PLEKHG7: variants seen among roughly 807,000 people sequenced by gnomAD.
PLEKHG7 encodes the protein pleckstrin homology domain-containing family G member 7.
Under a neutral mutation model 85.2 loss-of-function variants are expected in PLEKHG7, and 77 were observed. That is an observed-to-expected ratio of 0.90 (90% CI 0.75 to 1.09). PLEKHG7 has a LOEUF of 1.09. Ranked by LOEUF, PLEKHG7 falls within the 50% of genes least tolerant of loss-of-function variation. The pLI is 0.00. For missense variants in PLEKHG7, 777 were observed against 804.3 expected (o/e 0.97, Z 0.41); for synonymous variants, 301 against 302.4 (o/e 1.00, Z 0.05).
chr12:92,707,664 C>G lies in PLEKHG7; in HGVS notation c.522C>G (p.His174Gln). The change falls in exon 3 of 17, where the codon CAC becomes CAG. Residue 174 changes from histidine to glutamine, a missense_variant. His to Gln is a conservative substitution (Grantham distance 24). Transcript: ENST00000344636. ...RHPSPQGEEL[H>Q]PSRFYEHRRS... is the part of the protein sequence containing the mutation. Reference sequence around the variant, plus strand: ...ATTTATTTCAGGGAGAAGAATTGCACCCATCCAGGTGTGTATGCATTTATT... The same window carrying G: ...ATTTATTTCAGGGAGAAGAATTGCAGCCATCCAGGTGTGTATGCATTTATT... 1 of 1,613,846 alleles carries G rather than the reference C, an allele frequency of 6.2e-7. No homozygotes were observed. Among genetic ancestry groups the G allele is most frequent in the Non-Finnish European group, 8.5e-7 (1 of 1,179,858 alleles).
intron 7 of PLEKHG7, among the ~76,000 whole-genome samples, chr12:92,739,211 T>C (rs758826681): frequency 2.0e-5 from 3 of 152,082 alleles, no homozygotes; most frequent in Non-Finnish European, 4.4e-5. Context: ...ATAGCAGAAG[T>C]CTTGAGATTT....
At chr12:92,710,803 T>C (rs1013268263) in intron 3 of PLEKHG7, among the ~76,000 whole-genome samples, 3 of 152,194 alleles carry the variant, frequency 2.0e-5, no homozygotes, top group African/African-American at 4.8e-5. Flanking sequence ...ACTTTGTTCA[T>C]GGGCCCATCG....
At chr12:92,737,263 A>G in intron 6 of PLEKHG7, 115 bp from the exon 7 acceptor site, 2 of 932,224 alleles carry the variant, frequency 2.1e-6, no homozygotes, top group Non-Finnish European at 2.8e-6. Context: ...TGAAGCAGGA[A>G]ATCATGATTT....
At chr12:92,713,486 G>C (rs1422711133) in intron 3 of PLEKHG7, among the ~76,000 whole-genome samples, 1 of 152,168 alleles carries the variant, frequency 6.6e-6, no homozygotes, top group Non-Finnish European at 1.5e-5. Flanking sequence ...TGATGGTTGA[G>C]TGCTGCCACC....
At chr12:92,744,951 G>A (rs895661876) in intron 9 of PLEKHG7, among the ~76,000 whole-genome samples, 3 of 152,176 alleles carry the variant, frequency 2.0e-5, no homozygotes, top group African/African-American at 7.2e-5. Context: ...ACAGGCGTGA[G>A]CCACTGCGCC....
At chr12:92,746,165 C>T (rs1872528901) in intron 10 of PLEKHG7, among the ~76,000 whole-genome samples, 1 of 152,224 alleles carries the variant, frequency 6.6e-6, no homozygotes, top group South Asian at 2.1e-4. Context: ...CCCCTGACTT[C>T]TCTAATTCTG....
chr12:92,767,106 C>T lies in PLEKHG7; in HGVS notation c.1871-1877C>T, dbSNP rs1431237212. On this transcript the variant is annotated intron_variant, in intron 15 of 16. Transcript: ENST00000344636. The stretch of plus-strand genomic sequence containing the variant: ...AAAAATTAATATGTTTCCTCATTTA[C>T]AAGTAGGAATTAGCTGACCTATCTC... 4.6e-5 allele frequency among the ~76,000 whole-genome samples: 7 copies of T among 152,082 alleles called. 1 individual carries two copies. Among genetic ancestry groups the T allele is most frequent in the Admixed American group, 4.6e-4 (7 of 15,262 alleles).
intron 12 of PLEKHG7, among the ~76,000 whole-genome samples, 170 bp from the exon 13 acceptor site, chr12:92,756,128 A>G (rs372991133): frequency 6.6e-6 from 1 of 152,186 alleles, no homozygotes; most frequent in African/African-American, 2.4e-5. Flanking sequence ...TGCCATTCTT[A>G]TGATGGTCCT....
intron 15 of PLEKHG7, among the ~76,000 whole-genome samples, chr12:92,768,776 G>A (rs985386895): frequency 6.6e-6 from 1 of 152,024 alleles, no homozygotes; most frequent in African/African-American, 2.4e-5. Context: ...GGTTTTTATA[G>A]TAGAGTAGGC....
At chr12:92,739,643 AAT>A (rs1323563416) in intron 7 of PLEKHG7, among the ~76,000 whole-genome samples, 5 of 152,216 alleles carry the variant, frequency 3.3e-5, no homozygotes, top group African/African-American at 1.2e-4. Flanking sequence ...TTACACAATC[AAT>A]ATGTTTTCCA....
Position 92,707,671 on chromosome 12 carries a change from A to C in PLEKHG7, c.529A>C (p.Arg177=). 3.1e-6 allele frequency: 5 copies of C among 1,613,976 alleles called. No homozygotes were observed. The highest frequency in any genetic ancestry group is 3.4e-6 in the Non-Finnish European group (4 of 1,179,924). Residue 177 remains arginine (R), a splice_region_variant and synonymous_variant, in exon 3 of 17, where the codon AGG becomes CGG. Coordinates refer to ENST00000344636, the MANE Select transcript of PLEKHG7 (RefSeq NM_001377329.1). ...SPQGEELHPS[R]FYEHRRSSVV... is the part of the protein sequence containing the mutation. Reference sequence around the variant, plus strand: ...TCAGGGAGAAGAATTGCACCCATCCAGGTGTGTATGCATTTATTTTCTCCG... The same window carrying C: ...TCAGGGAGAAGAATTGCACCCATCCCGGTGTGTATGCATTTATTTTCTCCG...
chr12:92,707,424 C>A, intron 2 of PLEKHG7: 1 of 1,430,934 alleles, frequency 7.0e-7, no homozygotes, highest in Non-Finnish European at 9.1e-7. Context: ...GTCAGGTACC[C>A]GAGAGCAATG....
chr12:92,707,361 C>T, intron 2 of PLEKHG7: 1 of 1,429,606 alleles, frequency 7.0e-7, no homozygotes, highest in Non-Finnish European at 9.1e-7. Flanking sequence ...TTTCTTCTGT[C>T]CTTAGAGGCA....
chr12:92,740,903 T>C lies in PLEKHG7; in HGVS notation c.990T>C (p.Asp330=). The change falls in exon 8 of 17, where the codon GAT becomes GAC. Residue 330 remains aspartate (D), a synonymous_variant. Transcript: ENST00000344636. ...TGCAAACTCATGAATATCTCCTAGA[T>C]GTGGATTTATGGAGACTTTTTGCAA... is the stretch of plus-strand genomic sequence containing the variant. The part of the protein sequence containing the change: ...RYLQTHEYLL[D]VDLWRLFANL... 3.1e-6 allele frequency: 5 copies of C among 1,612,304 alleles called. No homozygotes were observed.
chr12:92,769,131 TCC>T, intron 16 of PLEKHG7, 51 bp downstream of exon 16: 1 of 1,318,324 alleles, frequency 7.6e-7, no homozygotes, highest in Non-Finnish European at 1.1e-6. Flanking sequence ...TTACATAAGC[TCC>T]CCCCAAGTGT....
rs963079245 is a variant in PLEKHG7, at chr12:92,770,497, G to A, written c.*302G>A. 2.1e-5 allele frequency: 6 copies of A among 284,228 alleles called. No individual in the cohort carries two copies. The highest frequency in any genetic ancestry group is 1.1e-4 in the African/African-American group (5 of 43,736). 17.6% of individuals were successfully genotyped at this position (284,228 alleles called of 1,614,324 possible). A position where few individuals can be genotyped will look rare whatever the true frequency, so the allele number is the denominator to read the frequency against. ...AGGTGCTAATTTGTAAAGGGTGAAT[G>A]ATCAGATAAATGGAGTATCAGAAGG... is the stretch of plus-strand genomic sequence containing the variant. On this transcript the variant is annotated 3_prime_UTR_variant, in exon 17 of 17. Coordinates refer to ENST00000344636, the MANE Select transcript of PLEKHG7 (RefSeq NM_001377329.1).
At chr12:92,747,769 G>A (rs970064092) in intron 10 of PLEKHG7, among the ~76,000 whole-genome samples, 72 of 152,202 alleles carry the variant, frequency 4.7e-4, no homozygotes, top group African/African-American at 1.7e-3. Flanking sequence ...AAAACTAGAG[G>A]TCATTAAGTG....
Position 92,770,889 on chromosome 12 carries a change from G to A in PLEKHG7, c.*694G>A, listed in dbSNP as rs978142230. 1.3e-4 allele frequency: 20 copies of A among 152,014 alleles called. No homozygotes were observed. The highest frequency in any genetic ancestry group is 4.6e-4 in the African/African-American group (19 of 41,412). 9.4% of individuals were successfully genotyped at this position (152,014 alleles called of 1,614,324 possible). A position where few individuals can be genotyped will look rare whatever the true frequency, so the allele number is the denominator to read the frequency against. On this transcript the variant is annotated 3_prime_UTR_variant, in exon 17 of 17. Transcript: ENST00000344636. ...ACTTTTGCATGGCTTTTCTTGGCCT[G>A]TTGTGAAGTGTACAGATTTTCATAG...
chr12:92,729,038 A>T lies in PLEKHG7; in HGVS notation c.576A>T (p.Gly192=). The change falls in exon 4 of 17, where the codon GGA becomes GGT. Residue 192 remains glycine (G), a synonymous_variant. Transcript: ENST00000344636. ...GTTCTGTGGTGCTGAACTTACCTGGACTTGAGGTGTTCCCCGGGGACCTTC... is the reference window on the plus strand; with the variant it reads ...GTTCTGTGGTGCTGAACTTACCTGGTCTTGAGGTGTTCCCCGGGGACCTTC... ...RRSSVVLNLP[G]LEVFPGDLLV... 8.1e-7 allele frequency: 1 copy of T among 1,231,798 alleles called. No homozygotes were observed. 76.3% of individuals were successfully genotyped at this position (1,231,798 alleles called of 1,614,324 possible).
Sources: allele counts gnomAD v4.1 joint callset (sites outside exome capture counted in the v4.1 genomes callset), GRCh38; gene constraint gnomAD v4.1.1; transcripts MANE v1.5; gene names NCBI Gene and HGNC (gene_info 2026-07-23, HGNC 2026-07-21).